The following PRDM11 variants were observed in gnomAD, a reference collection of about 807,000 sequenced individuals.
The protein encoded by PRDM11 is PR/SET domain 11.
PRDM11 carries 20 observed loss-of-function variants against 97.8 expected under a neutral mutation model. The ratio of observed to expected loss-of-function variants is 0.20; its 90% confidence interval spans 0.14 to 0.30. The LOEUF (loss-of-function observed/expected upper bound fraction) is 0.30. Among genes scored for constraint, PRDM11 ranks in the 10% least tolerant of loss-of-function variants. The probability of loss-of-function intolerance (pLI) is 1.00; values close to 1 mark genes in which losing one functional copy is unlikely to be tolerated. For missense variants in PRDM11, 1,139 were observed against 1,555.2 expected (o/e 0.73, Z 4.50); for synonymous variants, 599 against 637.7 (o/e 0.94, Z 0.91).
chr11:45,193,397 A>G (rs1264795702), intron 4 of PRDM11, among the ~76,000 whole-genome samples: 3 of 152,178 alleles, frequency 2.0e-5, no homozygotes, highest in Non-Finnish European at 2.9e-5. Flanking sequence ...AAAACAAGCT[A>G]CCTAAAAACC....
In PRDM11 at chr11:45,166,961, A is replaced by G. The variant is rs566308044; in HGVS notation, c.-6-14800A>G. On this transcript the variant is annotated intron_variant, in intron 1 of 7. Transcript: ENST00000683152. ...GAATTCACAGATATTATTCTCTGAAATCATCTCATTCTTTGTTTACTTCTT... is the reference window on the plus strand; with the variant it reads ...GAATTCACAGATATTATTCTCTGAAGTCATCTCATTCTTTGTTTACTTCTT... Among the ~76,000 whole-genome samples, 5 of 152,354 alleles carry G rather than the reference A, an allele frequency of 3.3e-5. No homozygotes were observed. In the South Asian group the frequency reaches 1.0e-3, roughly 32 times the overall value.
chr11:45,162,906 C>G (rs1292750663), intron 1 of PRDM11, among the ~76,000 whole-genome samples: 2 of 152,246 alleles, frequency 1.3e-5, no homozygotes, highest in Non-Finnish European at 2.9e-5. Flanking sequence ...CAACTCCAGG[C>G]TCTCTGCATG....
chr11:45,160,104 T>C (rs993931267), intron 1 of PRDM11, among the ~76,000 whole-genome samples: 1 of 152,202 alleles, frequency 6.6e-6, no homozygotes, highest in Non-Finnish European at 1.5e-5. Context: ...GAGTAAAGGC[T>C]TTTGCTCTGA....
intron 1 of PRDM11, among the ~76,000 whole-genome samples, chr11:45,153,478 A>C (rs1590385501): frequency 6.6e-6 from 1 of 152,348 alleles, no homozygotes; most frequent in Middle Eastern, 3.4e-3. Context: ...ACGGAGCACC[A>C]GTGAATGGCT....
At chr11:45,200,257 C>T (rs1853280673) in intron 4 of PRDM11, among the ~76,000 whole-genome samples, 1 of 152,248 alleles carries the variant, frequency 6.6e-6, no homozygotes, top group Admixed American at 6.5e-5. Flanking sequence ...CTATGTCCTT[C>T]ACAGCCCTCA....
At chr11:45,188,335 T>C (rs928616464) in intron 4 of PRDM11, among the ~76,000 whole-genome samples, 7 of 152,252 alleles carry the variant, frequency 4.6e-5, no homozygotes, top group African/African-American at 1.7e-4. Context: ...CTGGAGAGGA[T>C]GAGTCATTCT....
rs1037215441 is a variant in PRDM11, at chr11:45,227,973, A to G, written c.3348A>G (p.Thr1116=). Residue 1116 remains threonine (T), a synonymous_variant, in exon 8 of 8, where the codon ACA becomes ACG. Transcript: ENST00000683152. The surrounding 1 kb of genome is among the most constrained non-coding windows in gnomAD (Gnocchi z 8.0). ...TGGAGCAGCTTAGCGACCTGTTGAC[A>G]ATCGCTGTAAACGGACCGCCAATCA... is the stretch of plus-strand genomic sequence containing the variant. The part of the protein sequence containing the change: ...LTLEQLSDLL[T]IAVNGPPITN... The G allele has an allele frequency of 3.3e-6, 5 of 1,533,704 alleles. No homozygotes were observed. The highest frequency in any genetic ancestry group is 4.4e-6 in the Non-Finnish European group (5 of 1,146,710).
chr11:45,143,811 G>A (rs1428640360), upstream of PRDM11, among the ~76,000 whole-genome samples: 1 of 152,050 alleles, frequency 6.6e-6, no homozygotes, highest in Non-Finnish European at 1.5e-5. Flanking sequence ...CAGAAGGTGT[G>A]TACCATATGC....
At chr11:45,143,719 A>G (rs1375482314), upstream of PRDM11, among the ~76,000 whole-genome samples, 2 of 152,196 alleles carry the variant, frequency 1.3e-5, no homozygotes, top group South Asian at 2.1e-4. Context: ...CTCTCTGAAC[A>G]TGGTTTCTCT....
At chr11:45,186,426 T>G (rs1251543247) in intron 4 of PRDM11, among the ~76,000 whole-genome samples, 2 of 152,130 alleles carry the variant, frequency 1.3e-5, no homozygotes. Flanking sequence ...AAACTAAGTA[T>G]ATAAATTAAT....
intron 1 of PRDM11, among the ~76,000 whole-genome samples, chr11:45,167,366 C>G (rs146852311): frequency 6.6e-6 from 1 of 152,150 alleles, no homozygotes; most frequent in Non-Finnish European, 1.5e-5. Flanking sequence ...AGTGTAGGTG[C>G]TAAAAGTGGC....
chr11:45,163,820 C>T (rs563987447), intron 1 of PRDM11, among the ~76,000 whole-genome samples: 6 of 152,200 alleles, frequency 3.9e-5, no homozygotes. Flanking sequence ...ATATTGAATA[C>T]CTTGTCCATT....
chr11:45,188,982 A>G (rs1468765435), intron 4 of PRDM11, among the ~76,000 whole-genome samples: 1 of 151,982 alleles, frequency 6.6e-6, no homozygotes, highest in Non-Finnish European at 1.5e-5. Context: ...GCTCACCGCA[A>G]CCTCTGCCTC....
chr11:45,148,472 C>T (rs527315109), intron 1 of PRDM11, among the ~76,000 whole-genome samples: 1 of 152,270 alleles, frequency 6.6e-6, no homozygotes, highest in Non-Finnish European at 1.5e-5. Context: ...ATCAGAATTG[C>T]CCCCACAGAC....
intron 1 of PRDM11, among the ~76,000 whole-genome samples, chr11:45,130,474 C>T (rs937659423): frequency 1.3e-5 from 2 of 152,156 alleles, no homozygotes; most frequent in East Asian, 1.9e-4. Context: ...CATTATCACT[C>T]ATCAGGAAAA....
intron 1 of PRDM11, among the ~76,000 whole-genome samples, chr11:45,121,515 CTCAGAAAA>C (rs539936236): frequency 0.017 from 2,632 of 152,206 alleles, 89 homozygotes; most frequent in African/African-American, 0.06. Context: ...ACACACTTCT[CTCAGAAAA>C]TGCTAAAACA....
intron 6 of PRDM11, among the ~76,000 whole-genome samples, chr11:45,222,445 G>T (rs1481971181): frequency 4.6e-5 from 7 of 152,198 alleles, no homozygotes; most frequent in African/African-American, 1.7e-4. Context: ...GATTTTTAGA[G>T]ATTTTCAATG....
At chr11:45,167,446 C>T (rs1399530392) in intron 1 of PRDM11, among the ~76,000 whole-genome samples, 3 of 152,086 alleles carry the variant, frequency 2.0e-5, no homozygotes. Flanking sequence ...TAGGGATTAC[C>T]CTACTCCCGA....
intron 5 of PRDM11, among the ~76,000 whole-genome samples, chr11:45,210,046 C>A (rs1171164867): frequency 6.6e-6 from 1 of 152,204 alleles, no homozygotes; most frequent in Non-Finnish European, 1.5e-5. Flanking sequence ...GCCAGGAAAG[C>A]CCAAGTGTAG....
Sources: gnomAD v4.1 joint callset for allele counts (sites outside exome capture counted in the v4.1 genomes callset) on GRCh38, gnomAD v4.1.1 for gene constraint, Gnocchi (gnomAD v3.1) non-coding constraint, MANE v1.5 for transcripts, NCBI Gene and HGNC (gene_info 2026-07-23, HGNC 2026-07-21) for gene names.